The following DOCK7 variants were observed in gnomAD, a reference collection of about 807,000 sequenced individuals.
DOCK7 encodes dedicator of cytokinesis protein 7.
In DOCK7, 138 loss-of-function variants were observed where a neutral mutation model predicts 271.0. The ratio of observed to expected loss-of-function variants is 0.51; its 90% CI spans 0.44 to 0.59. The LOEUF (loss-of-function observed/expected upper bound fraction) is 0.59. DOCK7 is among the 20% of genes least tolerant of loss of function. DOCK7 has a pLI of 0.00. For missense variants in DOCK7, 2,066 were observed against 2,592.4 expected, an observed-to-expected ratio of 0.80 and a Z score of 4.41; for synonymous variants, 823 against 876.1, an observed-to-expected ratio of 0.94 and a Z score of 1.07.
intron 22 of DOCK7, among the ~76,000 whole-genome samples, chr1:62,545,708 A>G (rs1320245919): frequency 1.3e-5 from 2 of 152,166 alleles, no homozygotes; most frequent in Non-Finnish European, 2.9e-5. Flanking sequence ...TATAGGAATT[A>G]TATCTTCATC....
intron 41 of DOCK7, among the ~76,000 whole-genome samples, chr1:62,490,267 T>TTG (rs2149289306): frequency 6.6e-6 from 1 of 152,092 alleles, no homozygotes; most frequent in Admixed American, 6.6e-5. Context: ...GATGACGCTC[T>TTG]TGTTACATTG....
chr1:62,571,109 T>C (rs1646760266), intron 18 of DOCK7, among the ~76,000 whole-genome samples: 1 of 151,846 alleles, frequency 6.6e-6, no homozygotes, highest in Non-Finnish European at 1.5e-5. Context: ...ATCATCAGAG[T>C]GAACAGACAA....
At chr1:62,534,365 G>A (rs1219987185) in intron 29 of DOCK7, among the ~76,000 whole-genome samples, 1 of 152,138 alleles carries the variant, frequency 6.6e-6, no homozygotes, top group Non-Finnish European at 1.5e-5. Context: ...TGTAATCCTA[G>A]CATGCTGGGA....
chr1:62,655,425 CT>C (rs200798806), intron 2 of DOCK7, among the ~76,000 whole-genome samples: 3,870 of 86,204 alleles, frequency 0.045, 79 homozygotes, highest in East Asian at 0.12. Flanking sequence ...TTTTTCTTTT[CT>C]TTTTTTTTTT....
At chr1:62,501,374 G>C (rs2149313892) in intron 37 of DOCK7, among the ~76,000 whole-genome samples, 1 of 152,162 alleles carries the variant, frequency 6.6e-6, no homozygotes, top group Middle Eastern at 3.4e-3. Context: ...TGAGAAAGGA[G>C]ATAGAAAGAA....
intron 22 of DOCK7, among the ~76,000 whole-genome samples, chr1:62,547,241 G>C (rs1382838295): frequency 6.6e-6 from 1 of 152,078 alleles, no homozygotes; most frequent in Non-Finnish European, 1.5e-5. Flanking sequence ...CAGTTATTTG[G>C]CAAAGCAAGT....
Position 62,475,839 on chromosome 1 carries a change from G to A in DOCK7, c.5829C>T (p.Tyr1943=), listed in dbSNP as rs369473418. The change falls in exon 46 of 50, where the codon TAC becomes TAT. Residue 1943 remains tyrosine (Y), a synonymous_variant. Transcript: ENST00000635253. ...DKNYNLRRFM[Y]CTPFTLDGRA... The stretch of plus-strand genomic sequence containing the variant: ...GGCCATCTAAAGTAAAGGGTGTACA[G>A]TACATGAATCGACGAAGATTGTAAT... 68 of 1,613,982 alleles carry A rather than the reference G, an allele frequency of 4.2e-5. No individual in the cohort carries two copies. Among genetic ancestry groups the A allele is most frequent in the Non-Finnish European group, 5.5e-5 (65 of 1,179,968 alleles).
chr1:62,482,200 C>A (rs1366556847), intron 43 of DOCK7: 1 of 152,182 alleles, frequency 6.6e-6, no homozygotes, highest in Non-Finnish European at 1.5e-5. Flanking sequence ...TTATATCAAT[C>A]CTTATCACAA....
In DOCK7 at chr1:62,559,199, A is replaced by G. The variant is rs1349977900; in HGVS notation, c.2221T>C (p.Phe741Leu). Residue 741 changes from phenylalanine (F) to leucine (L), a missense_variant, in exon 20 of 50, where the codon TTT (phenylalanine) becomes CTT (leucine). Physicochemically the swap from Phe to Leu is conservative, Grantham distance 22. Around this residue, in one of 2 missense-constraint regions of DOCK7, gnomAD observed 1,414 missense variants for 1,670.4 expected, o/e 0.85. Transcript: ENST00000635253. ...HTQDPYLDKF[F>L]ALVNALDEHL... ...TCATCCAGAGCATTGACCAGAGCAA[A>G]AAATTTGTCAAGATAAGGATCCTAA... 2 of 1,612,976 alleles carry G rather than the reference A, an allele frequency of 1.2e-6. No individual in the cohort carries two copies. The highest frequency in any genetic ancestry group is 4.5e-5 in the East Asian group (2 of 44,864).
Position 62,654,133 on chromosome 1 carries a change from T to G in DOCK7, c.171A>C (p.Pro57=), listed in dbSNP as rs761362083. 34 of 1,613,490 alleles carry G rather than the reference T, an allele frequency of 2.1e-5. No individual in the cohort carries two copies. Among genetic ancestry groups the G allele is most frequent in the Non-Finnish European group, 2.9e-5 (34 of 1,179,738 alleles). The change falls in exon 3 of 50, where the codon CCA becomes CCC. Residue 57 remains proline (P), a synonymous_variant. Transcript: ENST00000635253. ...TAATGAGGTAATCTTCCAAATCCAC[T>G]GGATCTACTGCTTCGGTAAGGGGCA... is the stretch of plus-strand genomic sequence containing the variant. ...TTVPLTEAVD[P]VDLEDYLITH...
chr1:62,508,671 A>G (rs1186457024), intron 34 of DOCK7, among the ~76,000 whole-genome samples: 2 of 152,192 alleles, frequency 1.3e-5, no homozygotes, highest in East Asian at 3.8e-4. Flanking sequence ...TTGTACACAT[A>G]TATTAAAAGA....
chr1:62,468,828 AAAC>A (rs1228996346), intron 48 of DOCK7, among the ~76,000 whole-genome samples: 1 of 152,068 alleles, frequency 6.6e-6, no homozygotes, highest in Non-Finnish European at 1.5e-5. Flanking sequence ...TGCAAAAAAA[AAAC>A]AACCTCAAAA....
chr1:62,602,252 C>A, intron 14 of DOCK7: 1 of 1,529,672 alleles, frequency 6.5e-7, no homozygotes, highest in Non-Finnish European at 9.0e-7. Context: ...CATAAATCTA[C>A]TAAAAATACA....
chr1:62,484,500 C>T (rs1382727220), intron 43 of DOCK7: 1 of 152,080 alleles, frequency 6.6e-6, no homozygotes, highest in African/African-American at 2.4e-5. Flanking sequence ...TTTTTTAACC[C>T]TGACCCTAAG....
At chr1:62,520,510 C>G (rs1028807385) in intron 31 of DOCK7, among the ~76,000 whole-genome samples, 1 of 152,156 alleles carries the variant, frequency 6.6e-6, no homozygotes, top group African/African-American at 2.4e-5. Context: ...CTCATCATCA[C>G]TGGTCATTAC....
chr1:62,464,104 G>A (rs1235842857), intron 48 of DOCK7, among the ~76,000 whole-genome samples: 1 of 151,996 alleles, frequency 6.6e-6, no homozygotes, highest in East Asian at 2.0e-4. Flanking sequence ...CTGTCACCCA[G>A]TCTGGAGCAC....
At chr1:62,461,273 T>G (rs1645517181) in intron 48 of DOCK7, among the ~76,000 whole-genome samples, 1 of 152,092 alleles carries the variant, frequency 6.6e-6, no homozygotes, top group Admixed American at 6.5e-5. Context: ...AAGAAAAAGA[T>G]TCTACAGATA....
At chr1:62,554,734 T>C (rs1253427185) in intron 21 of DOCK7, among the ~76,000 whole-genome samples, 1 of 152,208 alleles carries the variant, frequency 6.6e-6, no homozygotes, top group Non-Finnish European at 1.5e-5. Context: ...TCTAATAGTG[T>C]ACTGAATAAA....
chr1:62,684,716 T>C (rs1037543261), intron 1 of DOCK7, among the ~76,000 whole-genome samples: 19 of 152,176 alleles, frequency 1.2e-4, no homozygotes, highest in Non-Finnish European at 2.5e-4. Context: ...CCATGGGCCT[T>C]ATCCTCAAAA....
Sources: allele counts gnomAD v4.1 joint callset (sites outside exome capture counted in the v4.1 genomes callset), GRCh38; gene constraint gnomAD v4.1.1; regional missense constraint gnomAD v4.1.1; transcripts MANE v1.5; gene names NCBI Gene and HGNC (gene_info 2026-07-23, HGNC 2026-07-21).